The following MYT1L variants were observed in gnomAD, a reference collection of about 807,000 sequenced individuals.
MYT1L encodes myelin transcription factor 1 like, also known as myelin transcription factor 1-like protein.
A neutral mutation model predicts 126.7 loss-of-function variants in MYT1L; 12 were observed. That is an observed-to-expected ratio of 0.09 (90% CI 0.06 to 0.15). The LOEUF (loss-of-function observed/expected upper bound fraction) is 0.15. Ranked by LOEUF, MYT1L falls within the 10% of genes least tolerant of loss-of-function variation. The probability of loss-of-function intolerance (pLI) is 1.00; values close to 1 mark genes in which losing one functional copy is unlikely to be tolerated. For synonymous variants in MYT1L, 541 were observed against 604.2 expected (o/e 0.90, Z 1.53); for missense variants, 979 against 1,585.2 (o/e 0.62, Z 6.49).
In MYT1L at chr2:2,098,614, C is replaced by T. The variant is rs754067614; in HGVS notation, c.-303-44491G>A. On this transcript the variant is annotated intron_variant, in intron 3 of 24. Coordinates refer to ENST00000647738, the MANE Select transcript of MYT1L (RefSeq NM_001303052.2). ...GGTGGAGGCCAGGGGTCCTGCTAAACGCCCTGCAGACACAGGGCAGGGGGC... is the reference window on the plus strand; with the variant it reads ...GGTGGAGGCCAGGGGTCCTGCTAAATGCCCTGCAGACACAGGGCAGGGGGC... 4.1e-4 allele frequency among the ~76,000 whole-genome samples: 63 copies of T among 152,142 alleles called. 1 individual carries two copies. The highest frequency in any genetic ancestry group is 3.1e-3 in the Admixed American group (48 of 15,274).
chr2:2,271,050 G>A (rs754647128), intron 2 of MYT1L, among the ~76,000 whole-genome samples: 1 of 152,218 alleles, frequency 6.6e-6, no homozygotes, highest in Non-Finnish European at 1.5e-5. Flanking sequence ...GGCTCGAGAG[G>A]TCCCGTGTCT....
intron 2 of MYT1L, among the ~76,000 whole-genome samples, chr2:2,246,163 G>A (rs1211269058): frequency 6.6e-6 from 1 of 152,120 alleles, no homozygotes; most frequent in Non-Finnish European, 1.5e-5. Flanking sequence ...ATGTTTTCCT[G>A]CAACTGGAGT....
chr2:2,324,374 T>G (rs2096216794), intron 1 of MYT1L: 1 of 152,294 alleles, frequency 6.6e-6, no homozygotes, highest in African/African-American at 2.4e-5. Context: ...AAAACTCTTC[T>G]AATGCTTTTG....
At chr2:2,033,449 CG>C (rs1483674680) in intron 4 of MYT1L, among the ~76,000 whole-genome samples, 1 of 151,548 alleles carries the variant, frequency 6.6e-6, no homozygotes, top group Admixed American at 6.6e-5. Flanking sequence ...TTATACACAC[CG>C]CTCGCCAGTG....
chr2:1,927,146 A>G (rs2054338476), intron 9 of MYT1L, among the ~76,000 whole-genome samples: 1 of 152,170 alleles, frequency 6.6e-6, no homozygotes, highest in African/African-American at 2.4e-5. Flanking sequence ...CCGCACTGGC[A>G]CGGAAATCAG....
chr2:2,065,848 GCACACA>G (rs10678486), intron 3 of MYT1L, among the ~76,000 whole-genome samples: 12 of 135,322 alleles, frequency 8.9e-5, no homozygotes, highest in South Asian at 2.5e-4. Flanking sequence ...ACACACACAC[GCACACA>G]CACACACACA....
intron 18 of MYT1L, among the ~76,000 whole-genome samples, chr2:1,864,831 A>G (rs1440715908): frequency 6.6e-6 from 1 of 152,166 alleles, no homozygotes; most frequent in Non-Finnish European, 1.5e-5. Flanking sequence ...GGAGCCAGCC[A>G]CATGCCAGGC....
chr2:1,845,013 C>T (rs2042311818), intron 19 of MYT1L, among the ~76,000 whole-genome samples: 1 of 147,952 alleles, frequency 6.8e-6, no homozygotes, highest in Non-Finnish European at 1.5e-5. Context: ...GTCTCTCGCT[C>T]TGCTGCCCAG....
chr2:2,309,321 T>A (rs2095915374), intron 1 of MYT1L, among the ~76,000 whole-genome samples: 1 of 151,912 alleles, frequency 6.6e-6, no homozygotes, highest in Non-Finnish European at 1.5e-5. Context: ...CAGTATACTC[T>A]ATCTATACTC....
At chr2:2,290,919 T>C (rs2095589607) in intron 1 of MYT1L, among the ~76,000 whole-genome samples, 3 of 152,150 alleles carry the variant, frequency 2.0e-5, no homozygotes, top group Admixed American at 2.0e-4. Context: ...TTCTGCTAGT[T>C]CTTAGCTGTA....
intron 21 of MYT1L, among the ~76,000 whole-genome samples, chr2:1,820,075 G>A (rs1044978038): frequency 1.3e-5 from 2 of 152,094 alleles, no homozygotes; most frequent in Non-Finnish European, 2.9e-5. Context: ...CCTGGGGGAG[G>A]AATGAGGGAG....
chr2:2,066,598 G>A (rs1574945523), intron 3 of MYT1L, among the ~76,000 whole-genome samples: 1 of 152,324 alleles, frequency 6.6e-6, no homozygotes, highest in South Asian at 2.1e-4. Context: ...GAGGCTATGG[G>A]GGCAATGCCA....
intron 2 of MYT1L, among the ~76,000 whole-genome samples, chr2:2,225,288 G>T (rs979968019): frequency 2.0e-5 from 3 of 152,118 alleles, no homozygotes; most frequent in Non-Finnish European, 4.4e-5. Flanking sequence ...ACCAACCAGG[G>T]CAGGGGGTTG....
At chr2:1,919,203 A>G (rs552505346) in intron 10 of MYT1L, among the ~76,000 whole-genome samples, 2 of 152,304 alleles carry the variant, frequency 1.3e-5, no homozygotes, top group East Asian at 3.9e-4. Context: ...TGTGGCTCCA[A>G]AGCATTTTGG....
chr2:2,057,749 G>T (rs1163465560), intron 3 of MYT1L, among the ~76,000 whole-genome samples: 1 of 152,180 alleles, frequency 6.6e-6, no homozygotes, highest in Non-Finnish European at 1.5e-5. Context: ...TAATTCTCTG[G>T]AGCTTCCATC....
At chr2:2,067,332 A>G (rs1335642703) in intron 3 of MYT1L, among the ~76,000 whole-genome samples, 1 of 152,252 alleles carries the variant, frequency 6.6e-6, no homozygotes, top group African/African-American at 2.4e-5. Flanking sequence ...GATTAAAAAT[A>G]CATATATTCC....
At chr2:2,182,652 G>C (rs1224033303) in intron 2 of MYT1L, among the ~76,000 whole-genome samples, 1 of 152,158 alleles carries the variant, frequency 6.6e-6, no homozygotes, top group Non-Finnish European at 1.5e-5. Context: ...CACAGCATGC[G>C]CTTTGCAGCT....
At chr2:2,249,139 T>A (rs543069872) in intron 2 of MYT1L, among the ~76,000 whole-genome samples, 18 of 151,948 alleles carry the variant, frequency 1.2e-4, no homozygotes, top group Non-Finnish European at 2.5e-4. Context: ...CACCAAAAAA[T>A]GATTAGAACT....
At chr2:2,286,897 T>A (rs1317609185) in intron 1 of MYT1L, among the ~76,000 whole-genome samples, 2 of 152,266 alleles carry the variant, frequency 1.3e-5, no homozygotes, top group East Asian at 1.9e-4. Flanking sequence ...GTCAAAGCGA[T>A]GTCACTAGGT....
Sources: gnomAD v4.1 joint callset for allele counts (sites outside exome capture counted in the v4.1 genomes callset) on GRCh38, gnomAD v4.1.1 for gene constraint, MANE v1.5 for transcripts, NCBI Gene and HGNC (gene_info 2026-07-23, HGNC 2026-07-21) for gene names.